PRP4K: variants seen among roughly 807,000 people sequenced by gnomAD.
The protein encoded by PRP4K is serine/threonine-protein kinase PRP4 homolog.
chr6:4,056,726 G>T, the PRP4K span: 11 of 1,517,290 alleles, frequency 7.2e-6, no homozygotes, highest in Non-Finnish European at 8.9e-6. Context: ...TGGGACCTTT[G>T]TTTTTTCCTG....
chr6:4,048,556 C>CT, the PRP4K span, among the ~76,000 whole-genome samples: 34 of 151,706 alleles, frequency 2.2e-4, no homozygotes, highest in African/African-American at 4.8e-4. Flanking sequence ...GAGTTATTTT[C>CT]TTTTTTTTCT....
the PRP4K span, chr6:4,032,390 A>G: frequency 5.0e-6 from 8 of 1,614,134 alleles, no homozygotes; most frequent in South Asian, 6.6e-5. Flanking sequence ...GAGGTAAAAA[A>G]TCCAGATCCC....
chr6:4,053,876 A>T, the PRP4K span, among the ~76,000 whole-genome samples: 1 of 147,478 alleles, frequency 6.8e-6, no homozygotes, highest in Non-Finnish European at 1.5e-5. Flanking sequence ...ATAACAAAAT[A>T]AATACTTTTG....
At chr6:4,052,687 TTTTG>T in the PRP4K span, 2 of 1,475,756 alleles carry the variant, frequency 1.4e-6, no homozygotes, top group South Asian at 1.4e-5. Context: ...TTAACTCCTA[TTTTG>T]TTTTCTTTTT....
chr6:4,055,082 G>A, the PRP4K span, among the ~76,000 whole-genome samples: 3 of 152,182 alleles, frequency 2.0e-5, no homozygotes, highest in Non-Finnish European at 2.9e-5. Flanking sequence ...CCTTTAGCTC[G>A]TAATTTCAGG....
the PRP4K span, among the ~76,000 whole-genome samples, chr6:4,028,801 C>T: frequency 6.6e-6 from 1 of 152,090 alleles, no homozygotes; most frequent in Non-Finnish European, 1.5e-5. Flanking sequence ...TTGTTGTCAA[C>T]TAATTAGTAA....
chr6:4,022,462 T>TG, the PRP4K span, among the ~76,000 whole-genome samples: 3 of 14,422 alleles, frequency 2.1e-4, no homozygotes, highest in African/African-American at 1.0e-3. Flanking sequence ...CGTTTTTTTT[T>TG]TTTGTTTTGT....
chr6:4,061,390 C>T, the PRP4K span: 1 of 152,700 alleles, frequency 6.5e-6, no homozygotes, highest in Middle Eastern at 3.4e-3. Context: ...ATTAACTTTA[C>T]TTTTTTTAAA....
At chr6:4,046,686 T>C in the PRP4K span, among the ~76,000 whole-genome samples, 95 of 149,614 alleles carry the variant, frequency 6.3e-4, 2 homozygotes, top group South Asian at 0.019. Context: ...TGAGCCAGAG[T>C]CCAATTCTGT....
At chr6:4,055,471 T>C in the PRP4K span, among the ~76,000 whole-genome samples, 1 of 152,206 alleles carries the variant, frequency 6.6e-6, no homozygotes, top group African/African-American at 2.4e-5. Flanking sequence ...TGCCTAAGGC[T>C]ATAGTGTTAT....
the PRP4K span, chr6:4,042,487 C>G: frequency 1.2e-6 from 2 of 1,605,226 alleles, no homozygotes; most frequent in East Asian, 2.2e-5. Context: ...TTTCTTTAAG[C>G]CTTGAAGACT....
At chr6:4,062,776 A>G in the PRP4K span, 1 of 152,610 alleles carries the variant, frequency 6.6e-6, no homozygotes, top group Non-Finnish European at 1.5e-5. This position sits in a 1 kb window ranked among gnomAD's most constrained non-coding sequence, Gnocchi z 4.2. Flanking sequence ...TTTCATCTTC[A>G]GGTAGAGTGA....
the PRP4K span, among the ~76,000 whole-genome samples, chr6:4,051,783 TA>T: frequency 1.3e-5 from 2 of 152,336 alleles, no homozygotes; most frequent in Admixed American, 1.3e-4. Flanking sequence ...TATAAAGTGT[TA>T]TGTGAATGAT....
the PRP4K span, among the ~76,000 whole-genome samples, chr6:4,022,154 A>ATTT: frequency 0.1 from 9,644 of 91,866 alleles, 1,435 homozygotes; most frequent in African/African-American, 0.25. Context: ...GAGGCCTGGC[A>ATTT]TTTTTTTTTT....
the PRP4K span, among the ~76,000 whole-genome samples, chr6:4,027,612 G>GGT: frequency 4.2e-5 from 3 of 70,690 alleles, no homozygotes; most frequent in Admixed American, 1.7e-4. Flanking sequence ...GGGGGGTGGG[G>GGT]TGGGGGTTGG....
At chr6:4,030,129 G>A in the PRP4K span, among the ~76,000 whole-genome samples, 1 of 152,048 alleles carries the variant, frequency 6.6e-6, no homozygotes, top group Non-Finnish European at 1.5e-5. Flanking sequence ...TTTTAGTAGA[G>A]AGGGGGTTTC....
the PRP4K span, among the ~76,000 whole-genome samples, chr6:4,035,284 A>ATTTTTTTT: frequency 9.9e-4 from 58 of 58,800 alleles, 1 homozygote; most frequent in African/African-American, 2.9e-3. Flanking sequence ...CGCCCGGCTA[A>ATTTTTTTT]TTTTTTTTTT....
the PRP4K span, among the ~76,000 whole-genome samples, chr6:4,036,891 T>C: frequency 1.4e-5 from 2 of 147,894 alleles, no homozygotes; most frequent in Non-Finnish European, 3.0e-5. Context: ...GGGGCTGAAG[T>C]GGAAGGATTG....
chr6:4,032,482 A>G, the PRP4K span: 4 of 1,614,174 alleles, frequency 2.5e-6, no homozygotes, highest in Non-Finnish European at 3.4e-6. Flanking sequence ...ACTGATAAAG[A>G]AAAGAAGCCA....
Sources: allele counts gnomAD v4.1 joint callset (sites outside exome capture counted in the v4.1 genomes callset), GRCh38; gene constraint gnomAD v4.1.1; non-coding constraint Gnocchi (gnomAD v3.1); transcripts MANE v1.5; gene names NCBI Gene and HGNC (gene_info 2026-07-23, HGNC 2026-07-21).